EMC4: variants seen among roughly 807,000 people sequenced by gnomAD.
EMC4 encodes the protein ER membrane protein complex subunit 4, also known as cell proliferation-inducing gene 17 protein.
A neutral mutation model predicts 24.2 loss-of-function variants in EMC4; 9 were observed. The observed-to-expected ratio is 0.37, with a 90% CI of 0.22 to 0.65. The LOEUF is 0.65. Among genes scored for constraint, EMC4 ranks in the 30% least tolerant of loss-of-function variants. The probability of loss-of-function intolerance (pLI) is 0.59; values close to 1 mark genes in which losing one functional copy is unlikely to be tolerated. For missense variants in EMC4, 169 were observed against 234.6 expected, an observed-to-expected ratio of 0.72 and a Z score of 1.83; for synonymous variants, 86 against 81.1, an observed-to-expected ratio of 1.06 and a Z score of -0.32.
intron 3 of EMC4, 160 bp downstream of exon 3, chr15:34,228,006 A>G (rs1566790203): frequency 1.5e-6 from 1 of 676,972 alleles, no homozygotes; most frequent in Non-Finnish European, 2.4e-6. Flanking sequence ...AACATGGTGA[A>G]ACCTTGTCTC....
In EMC4 at chr15:34,227,720, C is replaced by T; in HGVS notation, c.229C>T (p.Leu77Phe). The T allele has an allele frequency of 8.7e-6, 14 of 1,614,046 alleles. No individual in the cohort carries two copies. The highest frequency in any genetic ancestry group is 1.2e-5 in the Non-Finnish European group (14 of 1,179,960). The change falls in exon 3 of 5, where the codon CTC (leucine) becomes TTC (phenylalanine). Residue 77 changes from leucine to phenylalanine, a missense_variant. Physicochemically the swap from Leu to Phe is conservative, Grantham distance 22 (BLOSUM62 0). Coordinates refer to ENST00000267750, the MANE Select transcript of EMC4 (RefSeq NM_016454.4). ...KRCWDIALGP[L>F]KQIPMNLFIM... The stretch of plus-strand genomic sequence containing the variant: ...CTGCTGGGACATCGCCTTGGGTCCC[C>T]TCAAACAGATTCCCATGAATCTCTT...
chr15:34,226,844 A>T (rs970629197), intron 2 of EMC4: 1 of 152,208 alleles, frequency 6.6e-6, no homozygotes, highest in Non-Finnish European at 1.5e-5. Flanking sequence ...GCGCCCGGCC[A>T]CATTGCCATT....
Position 34,225,521 on chromosome 15 carries a change from G to A in EMC4, c.87-15G>A. 1.9e-6 allele frequency: 3 copies of A among 1,598,302 alleles called. No homozygotes were observed. The highest frequency in any genetic ancestry group is 1.7e-6 in the Non-Finnish European group (2 of 1,165,740). ...TCGGAGGTTGCAGCTTTAGTTTCTT[G>A]GTTTGGTTTTTTAGGGGTCGAAGTG... On this transcript the variant is annotated splice_polypyrimidine_tract_variant and intron_variant, in intron 1 of 4. Coordinates refer to ENST00000267750, the MANE Select transcript of EMC4 (RefSeq NM_016454.4).
chr15:34,225,308 A>C, intron 1 of EMC4, 108 bp downstream of exon 1: 5 of 1,022,752 alleles, frequency 4.9e-6, no homozygotes, highest in Non-Finnish European at 7.1e-6. Context: ...TGGCACACAG[A>C]CATCACCTGG....
At chr15:34,226,337 T>G (rs1890650047) in intron 2 of EMC4, 1 of 154,804 alleles carries the variant, frequency 6.5e-6, no homozygotes. Flanking sequence ...TGATGTTCAT[T>G]TTTTCATTCC....
In EMC4 at chr15:34,230,024, G is replaced by C; in HGVS notation, c.*236G>C. 1 of 567,324 alleles carries C rather than the reference G, an allele frequency of 1.8e-6. No individual in the cohort carries two copies. The highest frequency in any genetic ancestry group is 3.1e-6 in the Non-Finnish European group (1 of 323,694). 35.1% of individuals were successfully genotyped at this position (567,324 alleles called of 1,614,324 possible). ...AAATAATGTAGAAAACTTTATTTTT[G>C]TTTCCAGTACAGAGCAAAACAACAA... On this transcript the variant is annotated 3_prime_UTR_variant, in exon 5 of 5. Coordinates refer to ENST00000267750, the MANE Select transcript of EMC4 (RefSeq NM_016454.4).
At position 34,227,853 on chromosome 15, in the gene EMC4, A is replaced by G. The variant is rs1174734919; in HGVS notation, c.355+7A>G. ...CTTATGGCCATTTCAGCCAGTAAGTATTCTTGAAACAATAACCCTTCCATA... is the reference window on the plus strand; with the variant it reads ...CTTATGGCCATTTCAGCCAGTAAGTGTTCTTGAAACAATAACCCTTCCATA... On this transcript the variant is annotated splice_region_variant and intron_variant, in intron 3 of 4. Transcript: ENST00000267750. The G allele has an allele frequency of 1.2e-6, 2 of 1,612,358 alleles. No individual in the cohort carries two copies. The highest frequency in any genetic ancestry group is 1.7e-6 in the Non-Finnish European group (2 of 1,178,602).
At chr15:34,225,457 C>T in intron 1 of EMC4, 79 bp from the exon 2 acceptor site, 1 of 1,121,232 alleles carries the variant, frequency 8.9e-7, no homozygotes, top group Non-Finnish European at 1.4e-6. Context: ...GATCTTTATT[C>T]CTATGATTGG....
At chr15:34,228,029 A>G (rs1198927657) in intron 3 of EMC4, 183 bp downstream of exon 3, 1 of 561,408 alleles carries the variant, frequency 1.8e-6, no homozygotes, top group Non-Finnish European at 3.1e-6. Context: ...CTAAAAATGC[A>G]AAAATTAGCT....
At chr15:34,228,947 CAA>C (rs1890744693) in intron 4 of EMC4, 2 of 197,030 alleles carry the variant, frequency 1.0e-5, no homozygotes, top group Admixed American at 1.2e-4. Context: ...CTCTGCCTCC[CAA>C]AGTGCTAGGA....
chr15:34,227,921 C>A, intron 3 of EMC4, 75 bp downstream of exon 3: 3 of 1,512,960 alleles, frequency 2.0e-6, no homozygotes, highest in Non-Finnish European at 2.7e-6. Flanking sequence ...TGGCTCACGC[C>A]TGTAATCCCA....
At chr15:34,226,373 CCTTT>C (rs1157854482) in intron 2 of EMC4, 1 of 154,152 alleles carries the variant, frequency 6.5e-6, no homozygotes, top group African/African-American at 2.4e-5. Context: ...TGTCTCCTCT[CCTTT>C]CTTCATCAGG....
Position 34,229,942 on chromosome 15 carries a change from A to G in EMC4, c.*154A>G. ...CCATGGTGGGGTGACAGGTCCTAGAAGGACAATGTGCATATTACGACAAAC... is the reference window on the plus strand; with the variant it reads ...CCATGGTGGGGTGACAGGTCCTAGAGGGACAATGTGCATATTACGACAAAC... On this transcript the variant is annotated 3_prime_UTR_variant, in exon 5 of 5. Coordinates refer to ENST00000267750, the MANE Select transcript of EMC4 (RefSeq NM_016454.4). 1.4e-6 allele frequency: 1 copy of G among 718,822 alleles called. No homozygotes were observed. The highest frequency in any genetic ancestry group is 2.5e-6 in the Non-Finnish European group (1 of 405,378). The allele number at this position is 718,822 out of a possible 1,614,324, so 44.5% of individuals were successfully genotyped here. A position where few individuals can be genotyped will look rare whatever the true frequency, so the allele number is the denominator to read the frequency against.
intron 3 of EMC4, 88 bp downstream of exon 3, chr15:34,227,934 A>G: frequency 1.4e-6 from 2 of 1,413,710 alleles, no homozygotes; most frequent in Non-Finnish European, 2.0e-6. Flanking sequence ...TAATCCCAGC[A>G]CTTTGGGAGG....
At position 34,229,786 on chromosome 15, in the gene EMC4, T is replaced by C. The variant is rs372229813; in HGVS notation, c.550T>C (p.Ter184ArgextTer2). ...MEFSGGGLLL[*>R] The stretch of plus-strand genomic sequence containing the variant: ...GTTCAGTGGTGGAGGACTGCTTTTG[T>C]GAACATGAGAAAGCAGCGCCTGGTC... The change falls in exon 5 of 5, where the codon TGA becomes CGA. Residue 184 changes from the stop codon to arginine (R), a stop_lost. Transcript: ENST00000267750. 2 of 1,609,928 alleles carry C rather than the reference T, an allele frequency of 1.2e-6. No homozygotes were observed. The highest frequency in any genetic ancestry group is 2.7e-5 in the African/African-American group (2 of 74,846).
At chr15:34,227,557 G>A (rs1466822017) in intron 2 of EMC4, 136 bp from the exon 3 acceptor site, 1 of 856,888 alleles carries the variant, frequency 1.2e-6, no homozygotes, top group Non-Finnish European at 1.9e-6. Context: ...AAGGGAAGAG[G>A]TCGTAGAATT....
rs1890803128 is a variant in EMC4, at chr15:34,229,882, C to T, written c.*94C>T. On this transcript the variant is annotated 3_prime_UTR_variant, in exon 5 of 5. Coordinates refer to ENST00000267750, the MANE Select transcript of EMC4 (RefSeq NM_016454.4). ...CTCCTCAGCATACTCTTAAACTAAT[C>T]ACTTATGTTAAAAAGAACCAAAAGA... 5 of 1,193,298 alleles carry T rather than the reference C, an allele frequency of 4.2e-6. No individual in the cohort carries two copies. The highest frequency in any genetic ancestry group is 6.2e-6 in the Non-Finnish European group (5 of 800,786). The allele number at this position is 1,193,298 out of a possible 1,614,324, so 73.9% of individuals were successfully genotyped here. A position where few individuals can be genotyped will look rare whatever the true frequency, so the allele number is the denominator to read the frequency against.
At chr15:34,227,362 T>G (rs8035954) in intron 2 of EMC4, 108,385 of 180,976 alleles carry the variant, frequency 0.6, 34,455 homozygotes, top group East Asian at 0.71. Flanking sequence ...TTATGTGGAT[T>G]TATCTATTTC....
chr15:34,228,686 CTTTTTTTTTTTTT>C (rs71119951), intron 4 of EMC4, 97 bp downstream of exon 4: 13 of 300,990 alleles, frequency 4.3e-5, no homozygotes, highest in Admixed American at 7.8e-5. Flanking sequence ...ATTTGAGTTT[CTTTTTTTTTTTTT>C]TTTTTTTTTT....
Sources: allele counts gnomAD v4.1 joint callset, GRCh38; gene constraint gnomAD v4.1.1; transcripts MANE v1.5; gene names NCBI Gene and HGNC (gene_info 2026-07-23, HGNC 2026-07-21).